The following SLC16A7 variants were observed in gnomAD, a reference collection of about 807,000 sequenced individuals.
The protein encoded by SLC16A7 is solute carrier family 16 member 7.
Under a neutral mutation model 34.9 loss-of-function variants are expected in SLC16A7, and 33 were observed. The ratio of observed to expected loss-of-function variants is 0.94; its 90% CI spans 0.72 to 1.26. The LOEUF (loss-of-function observed/expected upper bound fraction) is 1.26, where lower values mean the gene tolerates loss of function less well. SLC16A7 is among the 50% of genes most tolerant of loss of function. The pLI is 0.00. For missense variants in SLC16A7, 573 were observed against 578.1 expected (o/e 0.99, Z 0.09); for synonymous variants, 201 against 206.6 (o/e 0.97, Z 0.23).
At chr12:59,624,106 C>T (rs1770462322) in intron 1 of SLC16A7, among the ~76,000 whole-genome samples, 1 of 151,318 alleles carries the variant, frequency 6.6e-6, no homozygotes, top group African/African-American at 2.4e-5. Flanking sequence ...ATATCTCTGT[C>T]TTAATTAATT....
intron 1 of SLC16A7, among the ~76,000 whole-genome samples, chr12:59,631,411 G>C (rs569010838): frequency 2.6e-5 from 4 of 152,040 alleles, no homozygotes; most frequent in South Asian, 2.1e-4. Flanking sequence ...ACAAGGCCTA[G>C]TAATGCACTA....
chr12:59,753,877 GT>G (rs1399387914), intron 3 of SLC16A7, among the ~76,000 whole-genome samples: 5 of 152,230 alleles, frequency 3.3e-5, no homozygotes, highest in African/African-American at 1.2e-4. Context: ...CTCAGCAAAT[GT>G]AAAAGATCAG....
At chr12:59,776,542 A>G (rs971933712) in intron 5 of SLC16A7, among the ~76,000 whole-genome samples, 3 of 152,212 alleles carry the variant, frequency 2.0e-5, no homozygotes, top group African/African-American at 7.2e-5. Context: ...GGTCAGAGTC[A>G]TTGCCAGGCT....
At chr12:59,731,179 A>G (rs1876910950) in intron 3 of SLC16A7, among the ~76,000 whole-genome samples, 1 of 152,180 alleles carries the variant, frequency 6.6e-6, no homozygotes, top group Admixed American at 6.6e-5. Flanking sequence ...CTTTATTCAA[A>G]TGTTTGTTCA....
chr12:59,723,483 A>G (rs193178262), intron 3 of SLC16A7, among the ~76,000 whole-genome samples: 2 of 152,100 alleles, frequency 1.3e-5, no homozygotes, highest in East Asian at 3.9e-4. Context: ...AAAGACGGAG[A>G]TGTGAATTGC....
chr12:59,642,475 T>C (rs558978234), intron 1 of SLC16A7, among the ~76,000 whole-genome samples: 1 of 152,236 alleles, frequency 6.6e-6, no homozygotes, highest in South Asian at 2.1e-4. Flanking sequence ...ATACTCAGGA[T>C]TTTATGTGTT....
chr12:59,749,441 C>T (rs1264453980), intron 3 of SLC16A7, among the ~76,000 whole-genome samples: 1 of 152,102 alleles, frequency 6.6e-6, no homozygotes, highest in Non-Finnish European at 1.5e-5. Context: ...CCACCCAAAA[C>T]CCCACGAATT....
rs1017603736 is a variant in SLC16A7 at position 59,756,087 on chromosome 12, ACCT to A, written c.218-15131_218-15129del. 1.2e-4 allele frequency among the ~76,000 whole-genome samples: 18 copies of A among 152,304 alleles called. 1 individual carries two copies. Among genetic ancestry groups the A allele is most frequent in the African/African-American group, 4.3e-4 (18 of 41,564 alleles). ...AGCTGAAACTGGATCCCTTCCTTAC[ACCT>A]TATACAAAAATTAATTCAAGATGGA... is the stretch of plus-strand genomic sequence containing the variant. On this transcript the variant is annotated intron_variant, in intron 3 of 5. Coordinates refer to ENST00000547379, the MANE Select transcript of SLC16A7 (RefSeq NM_001270623.2).
intron 5 of SLC16A7, 85 bp downstream of exon 5, chr12:59,775,560 GT>G (rs1196588793): frequency 1.1e-6 from 1 of 946,912 alleles, no homozygotes; most frequent in Non-Finnish European, 1.6e-6. Context: ...GTTTAAATGT[GT>G]TTTATAATAA....
intron 3 of SLC16A7, among the ~76,000 whole-genome samples, chr12:59,767,714 C>G (rs1449152730): frequency 6.6e-6 from 1 of 152,082 alleles, no homozygotes; most frequent in Non-Finnish European, 1.5e-5. Context: ...ACCTGGGTCA[C>G]CCAGGAGCTC....
chr12:59,685,867 A>G (rs528373679), intron 2 of SLC16A7, among the ~76,000 whole-genome samples: 17 of 152,208 alleles, frequency 1.1e-4, no homozygotes, highest in Admixed American at 3.3e-4. Flanking sequence ...TAATAATTTA[A>G]TCTTCATGAA....
At chr12:59,692,706 CA>C (rs1425362811) in intron 2 of SLC16A7, among the ~76,000 whole-genome samples, 2 of 151,938 alleles carry the variant, frequency 1.3e-5, no homozygotes, top group Non-Finnish European at 2.9e-5. Context: ...TTAGCATTCT[CA>C]AAGTCATTTA....
At chr12:59,701,357 C>T (rs960421901) in intron 2 of SLC16A7, among the ~76,000 whole-genome samples, 4 of 150,726 alleles carry the variant, frequency 2.7e-5, no homozygotes. Context: ...GCATTTGAAG[C>T]TCTTATGCTT....
intron 1 of SLC16A7, among the ~76,000 whole-genome samples, chr12:59,643,904 A>G (rs1169374411): frequency 6.6e-6 from 1 of 152,154 alleles, no homozygotes; most frequent in African/African-American, 2.4e-5. Context: ...TGACTTTGAA[A>G]CTATTTCATC....
At chr12:59,734,921 C>G (rs935406001) in intron 3 of SLC16A7, among the ~76,000 whole-genome samples, 2 of 152,170 alleles carry the variant, frequency 1.3e-5, no homozygotes, top group Non-Finnish European at 2.9e-5. Flanking sequence ...GCATTACTCT[C>G]TAGTTTCTTA....
chr12:59,629,299 C>T (rs1234897047), intron 1 of SLC16A7, among the ~76,000 whole-genome samples: 1 of 151,814 alleles, frequency 6.6e-6, no homozygotes, highest in African/African-American at 2.4e-5. Flanking sequence ...ATTATTCATC[C>T]AACTGTATCT....
At chr12:59,672,434 C>T (rs1405508094) in intron 2 of SLC16A7, among the ~76,000 whole-genome samples, 1 of 151,572 alleles carries the variant, frequency 6.6e-6, no homozygotes, top group Non-Finnish European at 1.5e-5. Flanking sequence ...TCTTATCTCC[C>T]ATCTTGTGTG....
At chr12:59,674,298 T>C (rs949189346) in intron 2 of SLC16A7, among the ~76,000 whole-genome samples, 12 of 152,218 alleles carry the variant, frequency 7.9e-5, no homozygotes, top group African/African-American at 2.9e-4. Flanking sequence ...CATGAAGGCA[T>C]AGACTATATC....
At chr12:59,777,365 C>T (rs902114857) in intron 5 of SLC16A7, among the ~76,000 whole-genome samples, 3 of 152,092 alleles carry the variant, frequency 2.0e-5, no homozygotes, top group Non-Finnish European at 4.4e-5. Flanking sequence ...GCTAGAACTG[C>T]TGGCCCATAG....
Sources: allele counts gnomAD v4.1 joint callset (sites outside exome capture counted in the v4.1 genomes callset), GRCh38; gene constraint gnomAD v4.1.1; transcripts MANE v1.5; gene names NCBI Gene and HGNC (gene_info 2026-07-23, HGNC 2026-07-21).